OXNAD1: variants seen among roughly 807,000 people sequenced by gnomAD.
The protein encoded by OXNAD1 is oxidoreductase NAD binding domain containing 1, also known as oxidoreductase NAD-binding domain-containing protein 1.
OXNAD1 carries 34 observed loss-of-function variants against 32.9 expected under a neutral mutation model. The observed-to-expected ratio is 1.03, with a 90% CI of 0.79 to 1.38. The LOEUF is 1.38. OXNAD1 is among the 40% of genes most tolerant of loss of function. The probability of loss-of-function intolerance (pLI) is 0.00; values close to 1 mark genes in which losing one functional copy is unlikely to be tolerated. For synonymous variants in OXNAD1, 134 were observed against 135.2 expected (o/e 0.99, Z 0.06); for missense variants, 407 against 379.4 (o/e 1.07, Z -0.60).
At chr3:16,286,302 T>G (rs1170062655) in intron 4 of OXNAD1, 40 bp from the exon 5 acceptor site, 1 of 1,464,000 alleles carries the variant, frequency 6.8e-7, no homozygotes, top group African/African-American at 1.4e-5. Context: ...TTGTGCTGTG[T>G]ACGCACTAAC....
In OXNAD1 at chr3:16,301,513, A is replaced by T; in HGVS notation, c.433-113A>T. 7.8e-7 allele frequency: 1 copy of T among 1,281,618 alleles called. No homozygotes were observed. Among genetic ancestry groups the T allele is most frequent in the South Asian group, 1.5e-5 (1 of 66,594 alleles). The allele number at this position is 1,281,618 out of a possible 1,614,324, so 79.4% of individuals were successfully genotyped here. A position where few individuals can be genotyped will look rare whatever the true frequency, so the allele number is the denominator to read the frequency against. ...GGGAAAATTGGGAGCAAGCTATAAA[A>T]ATAGTCTTAAATACTGATAATACAG... On this transcript the variant is annotated intron_variant, in intron 6 of 8. Transcript: ENST00000285083. This position sits in a 1 kb window ranked among gnomAD's most constrained non-coding sequence, Gnocchi z 4.1.
chr3:16,325,846 A>T (rs1483586003), intron 9 of OXNAD1, among the ~76,000 whole-genome samples: 1 of 152,192 alleles, frequency 6.6e-6, no homozygotes, highest in Non-Finnish European at 1.5e-5. Context: ...GCCTTGCCCC[A>T]TGCTGTCCAT....
chr3:16,346,774 T>C lies in OXNAD1; in HGVS notation c.*31-2402T>C, dbSNP rs1296673604. 1.3e-5 allele frequency among the ~76,000 whole-genome samples: 2 copies of C among 152,238 alleles called. No individual in the cohort carries two copies. Among genetic ancestry groups the C allele is most frequent in the Middle Eastern group, 3.4e-3 (1 of 294 alleles). On this transcript the variant is annotated intron_variant, in intron 9 of 9. Coordinates refer to the OXNAD1 transcript ENST00000606098. This position sits in a 1 kb window ranked among gnomAD's most constrained non-coding sequence, Gnocchi z 4.4. Reference sequence around the variant, plus strand: ...CCGTTCTTCACGGTTGTCATCACATTTGCATGAGACACCTAGAATTGCCAC... The same window carrying C: ...CCGTTCTTCACGGTTGTCATCACATCTGCATGAGACACCTAGAATTGCCAC...
chr3:16,323,853 C>T (rs2069364457), intron 9 of OXNAD1, among the ~76,000 whole-genome samples: 1 of 152,194 alleles, frequency 6.6e-6, no homozygotes, highest in East Asian at 1.9e-4. Context: ...GCTCAGCCCT[C>T]CAGCTGCTAC....
rs2066289243 is a variant in OXNAD1 at position 16,289,563 on chromosome 3, T to C, written c.290+3115T>C. On this transcript the variant is annotated intron_variant, in intron 5 of 8. Transcript: ENST00000285083. The surrounding 1 kb of genome is among the most constrained non-coding windows in gnomAD (Gnocchi z 4.9). Reference sequence around the variant, plus strand: ...GATTAGAGAAATAAGACTTTATACCTACCCTTGAGCAGGGCTGCCACACTG... The same window carrying C: ...GATTAGAGAAATAAGACTTTATACCCACCCTTGAGCAGGGCTGCCACACTG... 6.6e-6 allele frequency among the ~76,000 whole-genome samples: 1 copy of C among 152,166 alleles called. No homozygotes were observed. Among genetic ancestry groups the C allele is most frequent in the Non-Finnish European group, 1.5e-5 (1 of 68,012 alleles).
At position 16,288,042 on chromosome 3, in the gene OXNAD1, C is replaced by T. The variant is rs1328035225; in HGVS notation, c.290+1594C>T. 6.6e-6 allele frequency among the ~76,000 whole-genome samples: 1 copy of T among 152,188 alleles called. No homozygotes were observed. The highest frequency in any genetic ancestry group is 2.4e-5 in the African/African-American group (1 of 41,456). ...TCCAGGCCCCTGGGCCCTCCTCTTT[C>T]AACAAATTTTACCCTTACCATTGAT... On this transcript the variant is annotated intron_variant, in intron 5 of 8. Coordinates refer to ENST00000285083, the MANE Select transcript of OXNAD1 (RefSeq NM_138381.5). The surrounding 1 kb of genome is among the most constrained non-coding windows in gnomAD (Gnocchi z 5.1).
chr3:16,270,187 C>T (rs1170592937), intron 2 of OXNAD1, among the ~76,000 whole-genome samples: 2 of 152,228 alleles, frequency 1.3e-5, no homozygotes, highest in African/African-American at 4.8e-5. Flanking sequence ...TTGTCACTAC[C>T]ACCTCCCAAG....
intron 9 of OXNAD1, chr3:16,323,300 C>G: frequency 5.2e-6 from 6 of 1,151,744 alleles, no homozygotes; most frequent in South Asian, 4.0e-5. Context: ...AGGCTGCCCC[C>G]TCAAATGCTG....
intron 2 of OXNAD1, 69 bp from the exon 3 acceptor site, chr3:16,270,876 T>A (rs1575040372): frequency 6.3e-7 from 1 of 1,598,584 alleles, no homozygotes; most frequent in East Asian, 2.2e-5. Context: ...TCACTGACCC[T>A]CTAAAATAGT....
chr3:16,346,695 T>C lies in OXNAD1; in HGVS notation c.*31-2481T>C, dbSNP rs1050419958. Among the ~76,000 whole-genome samples, 1 of 152,192 alleles carries C rather than the reference T, an allele frequency of 6.6e-6. No individual in the cohort carries two copies. Among genetic ancestry groups the C allele is most frequent in the Non-Finnish European group, 1.5e-5 (1 of 68,034 alleles). ...TGAGGAAATCTCTGTTGTGGGTTTC[T>C]GGGAAAGCTTTTACTTGCTAATAAA... On this transcript the variant is annotated intron_variant, in intron 9 of 9. Transcript: ENST00000606098. This position sits in a 1 kb window ranked among gnomAD's most constrained non-coding sequence, Gnocchi z 4.4.
chr3:16,323,121 G>A (rs2069267070), intron 9 of OXNAD1, among the ~76,000 whole-genome samples: 1 of 152,276 alleles, frequency 6.6e-6, no homozygotes, highest in East Asian at 1.9e-4. Flanking sequence ...GCAGGCTGAA[G>A]CCTCCAGAAG....
chr3:16,333,295 A>T (rs2070510659), intron 9 of OXNAD1, among the ~76,000 whole-genome samples: 1 of 152,210 alleles, frequency 6.6e-6, no homozygotes, highest in African/African-American at 2.4e-5. Context: ...GCACAATATT[A>T]CCTTGTTTGA....
chr3:16,350,339 C>T (rs2072008991), downstream of OXNAD1: 1 of 143,492 alleles, frequency 7.0e-6, no homozygotes, highest in Non-Finnish European at 1.6e-5. Flanking sequence ...CTTGTGAACA[C>T]ATGCATTTGT....
At chr3:16,330,179 G>A (rs1374521708) in intron 9 of OXNAD1, among the ~76,000 whole-genome samples, 2 of 152,174 alleles carry the variant, frequency 1.3e-5, no homozygotes, top group Non-Finnish European at 2.9e-5. Context: ...AATCTCACGT[G>A]TTAATTTCTG....
rs539731829 is a variant in OXNAD1, at chr3:16,305,859, C to G, written c.*2297C>G. ...TGAAGGTGATCATACATGTAAAGTG[C>G]TTGGCAGAGCACTGCATGAGTGTGT... On this transcript the variant is annotated 3_prime_UTR_variant, in exon 9 of 9. Coordinates refer to ENST00000285083, the MANE Select transcript of OXNAD1 (RefSeq NM_138381.5). The surrounding 1 kb of genome is among the most constrained non-coding windows in gnomAD (Gnocchi z 4.5). The G allele has an allele frequency of 6.6e-6, 1 of 152,352 alleles. No individual in the cohort carries two copies. The highest frequency in any genetic ancestry group is 2.4e-5 in the African/African-American group (1 of 41,582). The allele number at this position is 152,352 out of a possible 1,614,324, so 9.4% of individuals were successfully genotyped here. A position where few individuals can be genotyped will look rare whatever the true frequency, so the allele number is the denominator to read the frequency against.
intron 9 of OXNAD1, among the ~76,000 whole-genome samples, chr3:16,324,471 C>G (rs1230063948): frequency 6.6e-6 from 1 of 152,148 alleles, no homozygotes; most frequent in Non-Finnish European, 1.5e-5. Context: ...AAACACCATT[C>G]TACTCTCTGC....
chr3:16,279,557 A>T (rs1227560922), intron 4 of OXNAD1, among the ~76,000 whole-genome samples: 1 of 151,902 alleles, frequency 6.6e-6, no homozygotes, highest in Non-Finnish European at 1.5e-5. Context: ...AGGGAAGAGG[A>T]CTCAGGACTC....
downstream of OXNAD1, chr3:16,339,279 C>G (rs1158216872): frequency 6.6e-6 from 1 of 152,276 alleles, no homozygotes; most frequent in Non-Finnish European, 1.5e-5. Context: ...TACCACAATT[C>G]TCACTCAGCC....
Position 16,280,987 on chromosome 3 carries a change from T to G in OXNAD1, c.184-5355T>G, listed in dbSNP as rs947632784. 6.6e-6 allele frequency among the ~76,000 whole-genome samples: 1 copy of G among 152,214 alleles called. No individual in the cohort carries two copies. The highest frequency in any genetic ancestry group is 6.5e-5 in the Admixed American group (1 of 15,280). On this transcript the variant is annotated intron_variant, in intron 4 of 8. Transcript: ENST00000285083. This position sits in a 1 kb window ranked among gnomAD's most constrained non-coding sequence, Gnocchi z 4.5. The stretch of plus-strand genomic sequence containing the variant: ...TTCAGTTGTGAATCTTTCGATCCAT[T>G]AAGTATAAGAGCCAATACAAATGAT...
Sources: allele counts gnomAD v4.1 joint callset (sites outside exome capture counted in the v4.1 genomes callset), GRCh38; gene constraint gnomAD v4.1.1; non-coding constraint Gnocchi (gnomAD v3.1); transcripts MANE v1.5; gene names NCBI Gene and HGNC (gene_info 2026-07-23, HGNC 2026-07-21).